Variants in PBX1 observed in about 807,000 individuals in gnomAD.
PBX1 encodes PBX homeobox 1.
In PBX1, 6 loss-of-function variants were observed where a neutral mutation model predicts 53.4. That is an observed-to-expected ratio of 0.11 (90% confidence interval 0.06 to 0.22). The LOEUF (loss-of-function observed/expected upper bound fraction) is 0.22. PBX1 is among the 10% of genes least tolerant of loss of function. PBX1 has a pLI of 1.00. For missense variants in PBX1, 251 were observed against 551.4 expected, an observed-to-expected ratio of 0.46 and a Z score of 5.46; for synonymous variants, 204 against 212.3, an observed-to-expected ratio of 0.96 and a Z score of 0.34.
At chr1:164,755,998 GAAAAAA>G (rs370503258) in intron 2 of PBX1, among the ~76,000 whole-genome samples, 2 of 125,024 alleles carry the variant, frequency 1.6e-5, no homozygotes, top group Non-Finnish European at 3.3e-5. Flanking sequence ...CCCGATTCAG[GAAAAAA>G]AAAAAAAAAA....
intron 1 of PBX1, among the ~76,000 whole-genome samples, chr1:164,562,454 C>CACACACACACAT (rs1444532312): frequency 2.3e-5 from 1 of 42,620 alleles, no homozygotes; most frequent in Non-Finnish European, 5.2e-5. Context: ...ATTCAGAATA[C>CACACACACACAT]ACACACACAC....
At chr1:164,564,970 A>G (rs12038282) in intron 2 of PBX1, among the ~76,000 whole-genome samples, 19,582 of 152,182 alleles carry the variant, frequency 0.13, 1,944 homozygotes, top group East Asian at 0.54. Context: ...GAATCAAAAT[A>G]TAAAAGCATA....
chr1:164,747,862 G>T (rs1438442158), intron 2 of PBX1, among the ~76,000 whole-genome samples: 2 of 152,076 alleles, frequency 1.3e-5, no homozygotes, highest in Non-Finnish European at 2.9e-5. Flanking sequence ...ATTTTGTTTA[G>T]ATTGGAGGTT....
At chr1:164,711,709 A>T (rs907433990) in intron 2 of PBX1, among the ~76,000 whole-genome samples, 15 of 152,218 alleles carry the variant, frequency 9.9e-5, no homozygotes, top group Non-Finnish European at 1.9e-4. Context: ...AAAATCCCAC[A>T]TGCGTGGGCT....
At chr1:164,625,820 A>G (rs963153768) in intron 2 of PBX1, 2 of 503,978 alleles carry the variant, frequency 4.0e-6, no homozygotes, top group Non-Finnish European at 5.2e-6. Flanking sequence ...AAAAAAAAAA[A>G]AAAAGAAAAA....
At chr1:164,720,235 C>G (rs774285263) in intron 2 of PBX1, among the ~76,000 whole-genome samples, 1 of 152,126 alleles carries the variant, frequency 6.6e-6, no homozygotes, top group East Asian at 1.9e-4. Flanking sequence ...CATTGTTCTG[C>G]ATACTTCTGT....
chr1:164,815,920 A>G (rs1389306573), intron 6 of PBX1: 5 of 152,252 alleles, frequency 3.3e-5, no homozygotes, highest in African/African-American at 1.2e-4. Context: ...AAAGGTTATT[A>G]TATTAAAACT....
chr1:164,623,458 GCTT>G (rs769803530), intron 2 of PBX1, among the ~76,000 whole-genome samples: 1 of 152,202 alleles, frequency 6.6e-6, no homozygotes, highest in East Asian at 1.9e-4. Context: ...AATTTTTAAA[GCTT>G]CTTCTGCTTA....
At chr1:164,692,450 C>T (rs913550977) in intron 2 of PBX1, among the ~76,000 whole-genome samples, 8 of 152,076 alleles carry the variant, frequency 5.3e-5, no homozygotes, top group East Asian at 1.9e-4. Flanking sequence ...GGCAGGTTTT[C>T]GTGGAGGAAA....
chr1:164,786,712 T>TGCGC (rs1380576992), intron 2 of PBX1, among the ~76,000 whole-genome samples: 2 of 114,816 alleles, frequency 1.7e-5, no homozygotes, highest in East Asian at 2.5e-4. Context: ...TGTGTGTGTG[T>TGCGC]GTGTGTGTGC....
intron 2 of PBX1, among the ~76,000 whole-genome samples, chr1:164,885,997 C>T (rs552538700): frequency 4.5e-4 from 68 of 151,554 alleles, no homozygotes; most frequent in Admixed American, 1.2e-3. Context: ...GCTGTATCCC[C>T]AGTTTCTAGA....
intron 2 of PBX1, among the ~76,000 whole-genome samples, chr1:164,703,688 ACT>A: frequency 6.6e-6 from 1 of 152,154 alleles, no homozygotes; most frequent in African/African-American, 2.4e-5. Context: ...AATATGAGAA[ACT>A]CTGGCCATTT....
chr1:164,751,581 C>CTTTT (rs1231289371), intron 2 of PBX1, among the ~76,000 whole-genome samples: 88 of 138,000 alleles, frequency 6.4e-4, no homozygotes, highest in Middle Eastern at 4.0e-3. Flanking sequence ...TATTGCCCCC[C>CTTTT]TTTTTTTTTT....
At chr1:164,831,102 C>G (rs1670731158) in intron 8 of PBX1, among the ~76,000 whole-genome samples, 1 of 152,138 alleles carries the variant, frequency 6.6e-6, no homozygotes, top group African/African-American at 2.4e-5. Context: ...ACAGTGAAAT[C>G]ACTATTCTCA....
chr1:164,834,029 A>ATGTG (rs35739146), intron 8 of PBX1, among the ~76,000 whole-genome samples: 7,344 of 128,182 alleles, frequency 0.057, 220 homozygotes, highest in African/African-American at 0.079. Flanking sequence ...ATATATGTAT[A>ATGTG]TGTGTGTGTG....
chr1:164,812,169 G>A lies in PBX1; in HGVS notation c.997+20G>A, dbSNP rs145131165. On this transcript the variant is annotated intron_variant, in intron 6 of 8. Transcript: ENST00000420696. ...CGGCTGGTTAGTTTTTTCTTTGATT[G>A]GGGGTGGGGGAAGGAATTGTTCTCC... 4 of 1,595,886 alleles carry A rather than the reference G, an allele frequency of 2.5e-6. No homozygotes were observed. Among genetic ancestry groups the A allele is most frequent in the Admixed American group, 3.4e-5 (2 of 58,016 alleles).
At chr1:164,858,934 G>A (rs1342773398) in intron 2 of PBX1, among the ~76,000 whole-genome samples, 4 of 152,102 alleles carry the variant, frequency 2.6e-5, no homozygotes, top group Non-Finnish European at 4.4e-5. Context: ...AATGACCAAG[G>A]TGCTGGAGAT....
chr1:164,836,853 T>G (rs1671064384), intron 8 of PBX1, among the ~76,000 whole-genome samples: 1 of 152,212 alleles, frequency 6.6e-6, no homozygotes, highest in South Asian at 2.1e-4. Context: ...GATTATAGCC[T>G]GTAACTCCCA....
intron 2 of PBX1, among the ~76,000 whole-genome samples, chr1:164,714,771 A>G (rs1293049518): frequency 6.6e-6 from 1 of 152,134 alleles, no homozygotes; most frequent in Non-Finnish European, 1.5e-5. Context: ...GGAAGAACCC[A>G]CTCTGAAGAC....
Sources: allele counts gnomAD v4.1 joint callset (sites outside exome capture counted in the v4.1 genomes callset), GRCh38; gene constraint gnomAD v4.1.1; transcripts MANE v1.5; gene names NCBI Gene and HGNC (gene_info 2026-07-23, HGNC 2026-07-21).